Variants in NR2F1-AS1 observed in about 807,000 individuals in gnomAD.
NR2F1-AS1 encodes the protein NR2F1 regulatory antisense RNA 1.
intron 4 of NR2F1-AS1, among the ~76,000 whole-genome samples, chr5:93,453,898 T>C (rs934346304): frequency 3.3e-5 from 5 of 152,212 alleles, no homozygotes; most frequent in Admixed American, 3.3e-4. Flanking sequence ...GAAAGAAATA[T>C]AACTCTACAC....
At chr5:93,547,418 A>C (rs1752114127) in intron 4 of NR2F1-AS1, among the ~76,000 whole-genome samples, 1 of 152,180 alleles carries the variant, frequency 6.6e-6, no homozygotes. Flanking sequence ...ATTAATGTCC[A>C]TGTCCCTTGA....
At chr5:93,457,180 G>C (rs1371985190) in intron 4 of NR2F1-AS1, among the ~76,000 whole-genome samples, 2 of 152,114 alleles carry the variant, frequency 1.3e-5, no homozygotes, top group Non-Finnish European at 2.9e-5. Flanking sequence ...GCTGGGGAAC[G>C]GTCAGGTCTT....
chr5:93,486,714 G>A (rs575587714), intron 4 of NR2F1-AS1, among the ~76,000 whole-genome samples: 10 of 152,222 alleles, frequency 6.6e-5, no homozygotes, highest in Non-Finnish European at 1.5e-4. Context: ...CCAAACAATA[G>A]AAAAAGAGGG....
At chr5:93,552,778 C>A (rs1250976954) in intron 4 of NR2F1-AS1, among the ~76,000 whole-genome samples, 1 of 151,616 alleles carries the variant, frequency 6.6e-6, no homozygotes, top group South Asian at 2.1e-4. Context: ...ATAAAGAGGG[C>A]CAAAGCAACA....
intron 4 of NR2F1-AS1, among the ~76,000 whole-genome samples, chr5:93,537,503 T>C (rs1045710631): frequency 2.6e-5 from 4 of 152,192 alleles, no homozygotes; most frequent in Non-Finnish European, 4.4e-5. Context: ...AAGACCTTAA[T>C]AGACATTTCT....
chr5:93,539,603 CA>C (rs1751908173), intron 4 of NR2F1-AS1, among the ~76,000 whole-genome samples: 1 of 151,916 alleles, frequency 6.6e-6, no homozygotes, highest in African/African-American at 2.4e-5. Context: ...GGAGAGGGAT[CA>C]GGGGAAGGAG....
intron 4 of NR2F1-AS1, among the ~76,000 whole-genome samples, chr5:93,528,793 C>T (rs1428785852): frequency 2.6e-5 from 4 of 151,312 alleles, no homozygotes; most frequent in South Asian, 2.1e-4. Context: ...CAAACTAACA[C>T]GGGAACAGAA....
chr5:93,459,276 G>A (rs1214038487), intron 4 of NR2F1-AS1, among the ~76,000 whole-genome samples: 1 of 151,868 alleles, frequency 6.6e-6, no homozygotes, highest in Non-Finnish European at 1.5e-5. Flanking sequence ...GAAATATTCA[G>A]ATATTTATCC....
upstream of NR2F1-AS1, among the ~76,000 whole-genome samples, chr5:93,582,768 G>GT (rs1753133803): frequency 1.7e-5 from 1 of 59,048 alleles, no homozygotes; most frequent in Non-Finnish European, 3.1e-5. Context: ...GGGTGTGAGC[G>GT]TAAGTGTGTG....
At chr5:93,419,557 A>G (rs1169156204) in intron 4 of NR2F1-AS1, among the ~76,000 whole-genome samples, 1 of 151,948 alleles carries the variant, frequency 6.6e-6, no homozygotes, top group African/African-American at 2.4e-5. Context: ...GCAATACAGA[A>G]AGACTCTACC....
chr5:93,547,077 G>C (rs1752104173), intron 4 of NR2F1-AS1, among the ~76,000 whole-genome samples: 1 of 152,120 alleles, frequency 6.6e-6, no homozygotes, highest in Non-Finnish European at 1.5e-5. Flanking sequence ...ACAGATTTCA[G>C]ACTTGCCAGT....
At chr5:93,506,048 C>G (rs540294995) in intron 4 of NR2F1-AS1, among the ~76,000 whole-genome samples, 3 of 152,252 alleles carry the variant, frequency 2.0e-5, no homozygotes, top group Non-Finnish European at 2.9e-5. Context: ...TTAACAGCAC[C>G]CAAGTCACTT....
At chr5:93,425,110 C>T (rs959679252) in intron 4 of NR2F1-AS1, among the ~76,000 whole-genome samples, 12 of 152,156 alleles carry the variant, frequency 7.9e-5, no homozygotes, top group African/African-American at 2.7e-4. Context: ...TTAGTTCATA[C>T]GTCTGTGAAT....
At chr5:93,450,806 T>C (rs1190130267) in intron 4 of NR2F1-AS1, among the ~76,000 whole-genome samples, 7 of 150,148 alleles carry the variant, frequency 4.7e-5, no homozygotes, top group Non-Finnish European at 1.0e-4. Flanking sequence ...CTCACGCCTG[T>C]AATCCCAGTA....
intron 4 of NR2F1-AS1, among the ~76,000 whole-genome samples, chr5:93,504,107 G>A (rs904901256): frequency 1.3e-5 from 2 of 151,972 alleles, no homozygotes; most frequent in African/African-American, 4.8e-5. Context: ...CTAATTTTTT[G>A]TTTCAGTTCC....
At chr5:93,572,103 C>T (rs1359917817) in intron 1 of NR2F1-AS1, among the ~76,000 whole-genome samples, 1 of 152,206 alleles carries the variant, frequency 6.6e-6, no homozygotes, top group Non-Finnish European at 1.5e-5. Context: ...CCCAATACGC[C>T]TGGCACTGGG....
intron 4 of NR2F1-AS1, among the ~76,000 whole-genome samples, chr5:93,450,821 G>C (rs1048544215): frequency 6.6e-6 from 1 of 151,066 alleles, no homozygotes; most frequent in Non-Finnish European, 1.5e-5. Flanking sequence ...CCAGTACTTC[G>C]GGAGGGATCG....
intron 4 of NR2F1-AS1, among the ~76,000 whole-genome samples, chr5:93,475,674 C>T (rs1437725163): frequency 1.3e-5 from 2 of 152,174 alleles, no homozygotes; most frequent in African/African-American, 4.8e-5. Context: ...TGCTCCAACT[C>T]AGTAAAACAG....
At chr5:93,569,855 C>T (rs1026585353) in intron 1 of NR2F1-AS1, 1 of 152,156 alleles carries the variant, frequency 6.6e-6, no homozygotes, top group African/African-American at 2.4e-5. Flanking sequence ...TAATTAGATG[C>T]TTTCTGTTAA....
Sources: allele counts gnomAD v4.1 joint callset (sites outside exome capture counted in the v4.1 genomes callset), GRCh38; gene constraint gnomAD v4.1.1; transcripts MANE v1.5; gene names NCBI Gene and HGNC (gene_info 2026-07-23, HGNC 2026-07-21).